The following CDH12 variants were observed in gnomAD, a reference collection of about 807,000 sequenced individuals.
CDH12 encodes the protein cadherin 12.
A neutral mutation model predicts 74.1 loss-of-function variants in CDH12; 41 were observed. The observed-to-expected ratio is 0.55, with a 90% CI of 0.43 to 0.72. CDH12 has a LOEUF of 0.72. CDH12 is among the 30% of genes least tolerant of loss of function. CDH12 has a pLI of 0.00. For missense variants in CDH12, 945 were observed against 977.2 expected (o/e 0.97, Z 0.44); for synonymous variants, 399 against 355.0 (o/e 1.12, Z -1.39).
At position 22,624,975 on chromosome 5, in the gene CDH12, C is replaced by T. The variant is rs1417161599; in HGVS notation, c.-522-119611G>A. Reference sequence around the variant, plus strand: ...CACATATACACCATGGAATACTATGCAGCCATAAAAAAGGGTGAGTTCATG... The same window carrying T: ...CACATATACACCATGGAATACTATGTAGCCATAAAAAAGGGTGAGTTCATG... On this transcript the variant is annotated intron_variant, in intron 1 of 14. Coordinates refer to ENST00000382254, the MANE Select transcript of CDH12 (RefSeq NM_004061.5). Among the ~76,000 whole-genome samples, 3 of 152,264 alleles carry T rather than the reference C, an allele frequency of 2.0e-5. No homozygotes were observed. In the East Asian group the frequency reaches 5.8e-4, roughly 29 times the overall value.
intron 3 of CDH12, among the ~76,000 whole-genome samples, chr5:22,338,716 T>C (rs1194185588): frequency 1.3e-5 from 2 of 152,098 alleles, no homozygotes; most frequent in Middle Eastern, 3.2e-3. Flanking sequence ...CACAAAATTT[T>C]TAAAATTTAA....
chr5:22,416,608 AT>A (rs1743402253), intron 2 of CDH12, among the ~76,000 whole-genome samples: 1 of 152,162 alleles, frequency 6.6e-6, no homozygotes, highest in African/African-American at 2.4e-5. Context: ...CCTTTGAAAG[AT>A]TTTGTCAGTG....
intron 3 of CDH12, among the ~76,000 whole-genome samples, chr5:22,253,823 T>C (rs1272456625): frequency 6.6e-6 from 1 of 151,868 alleles, no homozygotes; most frequent in Non-Finnish European, 1.5e-5. Context: ...GCTCTCTTGA[T>C]GAATGGAAGT....
intron 10 of CDH12, among the ~76,000 whole-genome samples, chr5:21,787,016 C>T (rs1034539523): frequency 1.3e-5 from 2 of 152,124 alleles, no homozygotes; most frequent in East Asian, 1.9e-4. Flanking sequence ...TTGCTTCTTA[C>T]AGATGAGCAA....
chr5:22,019,986 A>G (rs1737858849), intron 5 of CDH12, among the ~76,000 whole-genome samples: 1 of 152,170 alleles, frequency 6.6e-6, no homozygotes, highest in African/African-American at 2.4e-5. Flanking sequence ...CTGGGCAGAG[A>G]AAAATGATAC....
chr5:21,840,737 G>C (rs1204806563), intron 8 of CDH12, among the ~76,000 whole-genome samples: 1 of 152,110 alleles, frequency 6.6e-6, no homozygotes, highest in South Asian at 2.1e-4. Flanking sequence ...ACAAACCTGA[G>C]AAAAACAAGC....
intron 1 of CDH12, among the ~76,000 whole-genome samples, chr5:22,664,040 C>T (rs773755515): frequency 6.6e-5 from 10 of 151,738 alleles, no homozygotes; most frequent in Non-Finnish European, 1.2e-4. Context: ...TGCAGATTAC[C>T]GTGTATTAAC....
intron 2 of CDH12, among the ~76,000 whole-genome samples, chr5:22,419,588 G>A (rs1378164250): frequency 6.6e-6 from 1 of 152,050 alleles, no homozygotes; most frequent in East Asian, 1.9e-4. Context: ...CTTTGTTATT[G>A]TAAATAGCGC....
At chr5:22,714,184 C>T (rs905928321) in intron 1 of CDH12, among the ~76,000 whole-genome samples, 1 of 152,186 alleles carries the variant, frequency 6.6e-6, no homozygotes, top group African/African-American at 2.4e-5. Flanking sequence ...CCTTCCTCCT[C>T]CCTAGTTTTT....
At chr5:21,793,243 C>T (rs1300058491) in intron 10 of CDH12, among the ~76,000 whole-genome samples, 2 of 151,686 alleles carry the variant, frequency 1.3e-5, no homozygotes, top group Admixed American at 6.6e-5. Flanking sequence ...TACTTACTAC[C>T]TATTTGAATT....
chr5:22,008,976 T>C (rs1737128830), intron 5 of CDH12, among the ~76,000 whole-genome samples: 1 of 152,200 alleles, frequency 6.6e-6, no homozygotes, highest in African/African-American at 2.4e-5. Flanking sequence ...TTTTTGAATG[T>C]TTTAGTCTCA....
At chr5:21,887,962 C>T (rs1460388211) in intron 6 of CDH12, among the ~76,000 whole-genome samples, 1 of 151,776 alleles carries the variant, frequency 6.6e-6, no homozygotes, top group African/African-American at 2.4e-5. Context: ...TTTCCATTAG[C>T]ACTAATTAAC....
chr5:21,801,709 A>C (rs1747120332), intron 10 of CDH12, among the ~76,000 whole-genome samples: 1 of 152,218 alleles, frequency 6.6e-6, no homozygotes, highest in African/African-American at 2.4e-5. Flanking sequence ...CACTGGAAAA[A>C]ATGACATGCA....
chr5:21,798,984 A>G (rs1746960828), intron 10 of CDH12, among the ~76,000 whole-genome samples: 1 of 152,172 alleles, frequency 6.6e-6, no homozygotes, highest in African/African-American at 2.4e-5. Context: ...TGCTAAAATT[A>G]TGAATGTTCA....
In CDH12 at chr5:21,842,129, A is replaced by G. The variant is rs201308147; in HGVS notation, c.814+32T>C. 61 of 1,556,114 alleles carry G rather than the reference A, an allele frequency of 3.9e-5. 1 individual carries two copies. The African/African-American group carries it at 7.8e-4, about 20-fold the overall frequency. ...CACCATTAAATTTTTTTAAACCGCA[A>G]TAATTTAGGCTTAACAGGAAAGGTG... On this transcript the variant is annotated intron_variant, in intron 8 of 14. Transcript: ENST00000382254.
At chr5:22,336,797 G>A (rs2150450437) in intron 3 of CDH12, among the ~76,000 whole-genome samples, 1 of 152,346 alleles carries the variant, frequency 6.6e-6, no homozygotes, top group African/African-American at 2.4e-5. Context: ...GGAAATGTGA[G>A]GTCGGAGCCC....
intron 1 of CDH12, among the ~76,000 whole-genome samples, chr5:22,568,944 T>A (rs1739416947): frequency 6.6e-6 from 1 of 152,216 alleles, no homozygotes; most frequent in African/African-American, 2.4e-5. Flanking sequence ...GGGTCTTGTC[T>A]TGATGTGGAT....
chr5:22,416,471 A>T (rs1743397865), intron 2 of CDH12, among the ~76,000 whole-genome samples: 1 of 152,112 alleles, frequency 6.6e-6, no homozygotes, highest in South Asian at 2.1e-4. Flanking sequence ...GAGAAGGATG[A>T]GTTATTGGCG....
At chr5:21,912,829 A>T (rs1753920280) in intron 6 of CDH12, among the ~76,000 whole-genome samples, 1 of 152,002 alleles carries the variant, frequency 6.6e-6, no homozygotes, top group Non-Finnish European at 1.5e-5. Context: ...CTTTGGGGAA[A>T]AAGGGTGCTG....
Sources: gnomAD v4.1 joint callset for allele counts (sites outside exome capture counted in the v4.1 genomes callset) on GRCh38, gnomAD v4.1.1 for gene constraint, MANE v1.5 for transcripts, NCBI Gene and HGNC (gene_info 2026-07-23, HGNC 2026-07-21) for gene names.